Variants in EBF2 observed in about 807,000 individuals in gnomAD.
EBF2 encodes EBF transcription factor 2.
A neutral mutation model predicts 72.8 loss-of-function variants in EBF2; 21 were observed. That is an observed-to-expected ratio of 0.29 (90% CI 0.20 to 0.42). The LOEUF (loss-of-function observed/expected upper bound fraction) is 0.42. EBF2 is among the 10% of genes least tolerant of loss of function. The probability of loss-of-function intolerance (pLI) is 1.00; values close to 1 mark genes in which losing one functional copy is unlikely to be tolerated. For missense variants in EBF2, 637 were observed against 731.2 expected, an observed-to-expected ratio of 0.87 and a Z score of 1.49; for synonymous variants, 299 against 274.2, an observed-to-expected ratio of 1.09 and a Z score of -0.89.
intron 7 of EBF2, among the ~76,000 whole-genome samples, chr8:25,900,139 G>C (rs186701155): frequency 1.2e-3 from 190 of 152,278 alleles, no homozygotes; most frequent in African/African-American, 4.4e-3. Flanking sequence ...CTGACTCCTG[G>C]AATGATTTTT....
Position 26,039,878 on chromosome 8 carries a change from G to A in EBF2, c.482+150C>T, listed in dbSNP as rs1357093995. Reference sequence around the variant, plus strand: ...AAGACACTTGCATGAAGGGGTTTCCGTGGATCTACACTCTGCGCCCGTCTG... The same window carrying A: ...AAGACACTTGCATGAAGGGGTTTCCATGGATCTACACTCTGCGCCCGTCTG... On this transcript the variant is annotated intron_variant, in intron 5 of 15. Transcript: ENST00000520164. 1.1e-5 allele frequency: 8 copies of A among 709,836 alleles called. No individual in the cohort carries two copies. The African/African-American group carries it at 1.5e-4, about 13-fold the overall frequency. The allele number at this position is 709,836 out of a possible 1,614,324, so 44.0% of individuals were successfully genotyped here. A position where few individuals can be genotyped will look rare whatever the true frequency, so the allele number is the denominator to read the frequency against.
intron 6 of EBF2, among the ~76,000 whole-genome samples, chr8:25,965,804 T>C (rs1356403220): frequency 7.9e-5 from 12 of 152,126 alleles, no homozygotes. Flanking sequence ...CAGTGAAAGA[T>C]GGGGAGGGCA....
chr8:25,861,614 A>G (rs1221078872), intron 11 of EBF2, among the ~76,000 whole-genome samples: 1 of 145,820 alleles, frequency 6.9e-6, no homozygotes, highest in Non-Finnish European at 1.5e-5. Context: ...TGTGTTACCA[A>G]AACAAAAAAC....
intron 10 of EBF2, among the ~76,000 whole-genome samples, chr8:25,866,692 C>T (rs573851015): frequency 1.4e-5 from 2 of 144,340 alleles, no homozygotes; most frequent in African/African-American, 5.1e-5. Flanking sequence ...AGTGCAATGG[C>T]ATGATCTTGG....
chr8:25,945,437 G>T (rs577105602), intron 6 of EBF2, among the ~76,000 whole-genome samples: 7 of 151,958 alleles, frequency 4.6e-5, no homozygotes, highest in African/African-American at 1.7e-4. Context: ...TTTTTCTCTG[G>T]CTCTTGGCCT....
chr8:26,031,487 G>C (rs1805405263), intron 6 of EBF2: 1 of 142,278 alleles, frequency 7.0e-6, no homozygotes. Context: ...CCAGGCTGGA[G>C]TGCAGTGGCG....
chr8:25,940,763 A>G (rs28449691), intron 6 of EBF2, among the ~76,000 whole-genome samples: 3,530 of 152,198 alleles, frequency 0.023, 142 homozygotes, highest in African/African-American at 0.08. Flanking sequence ...GATCTGGCAA[A>G]TAATGATTTA....
In EBF2 at chr8:25,844,618, G is replaced by A. The variant is rs191706241; in HGVS notation, c.1719C>T (p.Pro573=). ...AGAAAGCAGTTCTTCTTTACATCGG[G>A]GGTACAACAAGTCCGGTCATGGCTG... ...GFRAMTGLVV[P]PM is the part of the protein sequence containing the mutation. The change falls in exon 16 of 16, where the codon CCC becomes CCT. Residue 573 remains proline (P), a synonymous_variant. Coordinates refer to ENST00000520164, the MANE Select transcript of EBF2 (RefSeq NM_022659.4). The A allele has an allele frequency of 6.2e-7, 1 of 1,613,992 alleles. No homozygotes were observed. The highest frequency in any genetic ancestry group is 1.7e-5 in the Admixed American group (1 of 60,002).
At chr8:25,943,814 G>A (rs571173146) in intron 6 of EBF2, among the ~76,000 whole-genome samples, 1 of 152,216 alleles carries the variant, frequency 6.6e-6, no homozygotes, top group East Asian at 1.9e-4. Flanking sequence ...ACTTTGATTT[G>A]GAACGTCATT....
intron 5 of EBF2, among the ~76,000 whole-genome samples, chr8:26,039,359 A>G (rs778855652): frequency 5.3e-5 from 8 of 152,178 alleles, no homozygotes; most frequent in Non-Finnish European, 1.0e-4. Flanking sequence ...CGACGTGAAT[A>G]TCAGAATCCA....
chr8:25,896,820 C>G (rs987806061), intron 7 of EBF2, among the ~76,000 whole-genome samples: 1 of 152,174 alleles, frequency 6.6e-6, no homozygotes, highest in Non-Finnish European at 1.5e-5. Context: ...GTCTAAGCCT[C>G]CATTAATTCA....
At chr8:26,034,534 G>A (rs545086067) in intron 5 of EBF2, among the ~76,000 whole-genome samples, 8 of 152,264 alleles carry the variant, frequency 5.3e-5, no homozygotes, top group African/African-American at 1.4e-4. Context: ...GTATCTGTTC[G>A]AAAATACCTA....
At chr8:25,919,775 A>C (rs774353474) in intron 6 of EBF2, among the ~76,000 whole-genome samples, 40 of 152,224 alleles carry the variant, frequency 2.6e-4, no homozygotes, top group Non-Finnish European at 5.7e-4. Context: ...AAAGATGTTC[A>C]TGTGAGCTGC....
chr8:25,950,412 G>A (rs1184214185), intron 6 of EBF2, among the ~76,000 whole-genome samples: 1 of 152,226 alleles, frequency 6.6e-6, no homozygotes, highest in Non-Finnish European at 1.5e-5. Context: ...TGAAGTATTT[G>A]CTTAAAGAAC....
At chr8:26,040,217 T>A in intron 4 of EBF2, 116 bp from the exon 5 acceptor site, 1 of 1,111,336 alleles carries the variant, frequency 9.0e-7, no homozygotes, top group Non-Finnish European at 1.3e-6. Context: ...GCCACCGCAT[T>A]AGGAATTCCC....
chr8:25,933,889 A>G (rs1323249672), intron 6 of EBF2, among the ~76,000 whole-genome samples: 1 of 152,184 alleles, frequency 6.6e-6, no homozygotes, highest in Non-Finnish European at 1.5e-5. Context: ...TCTGAGCGGT[A>G]AGTTACTGGG....
intron 6 of EBF2, among the ~76,000 whole-genome samples, chr8:25,980,601 G>A (rs1054389789): frequency 3.3e-5 from 5 of 151,964 alleles, no homozygotes; most frequent in Non-Finnish European, 7.4e-5. Flanking sequence ...TGGGGAGAGA[G>A]GCAATAAATA....
At chr8:25,965,255 C>T (rs2117182920) in intron 6 of EBF2, among the ~76,000 whole-genome samples, 1 of 152,272 alleles carries the variant, frequency 6.6e-6, no homozygotes, top group Non-Finnish European at 1.5e-5. Flanking sequence ...GTTTACTTTG[C>T]TTTACTTTGT....
At chr8:25,980,947 G>A (rs1355330630) in intron 6 of EBF2, among the ~76,000 whole-genome samples, 1 of 142,300 alleles carries the variant, frequency 7.0e-6, no homozygotes, top group African/African-American at 2.5e-5. Flanking sequence ...TCCTGGGGAA[G>A]GTGTAACCAG....
Sources: allele counts gnomAD v4.1 joint callset (sites outside exome capture counted in the v4.1 genomes callset), GRCh38; gene constraint gnomAD v4.1.1; transcripts MANE v1.5; gene names NCBI Gene and HGNC (gene_info 2026-07-23, HGNC 2026-07-21).